The following PASK variants were observed in gnomAD, a reference collection of about 807,000 sequenced individuals.
PASK encodes the protein PAS domain-containing serine/threonine-protein kinase.
A neutral mutation model predicts 121.0 loss-of-function variants in PASK; 110 were observed. The ratio of observed to expected loss-of-function variants is 0.91; its 90% CI spans 0.78 to 1.06. The LOEUF is 1.06. PASK is among the 50% of genes least tolerant of loss of function. PASK has a pLI of 0.00. For missense variants in PASK, 1,643 were observed against 1,702.3 expected (o/e 0.97, Z 0.61); for synonymous variants, 686 against 717.8 (o/e 0.96, Z 0.71).
chr2:241,136,656 C>T (rs1027741378), intron 7 of PASK, among the ~76,000 whole-genome samples: 1 of 152,262 alleles, frequency 6.6e-6, no homozygotes, highest in African/African-American at 2.4e-5. Flanking sequence ...TTAAATTTAA[C>T]GTAACTACAA....
chr2:241,119,303 G>A (rs2065501536), intron 12 of PASK, among the ~76,000 whole-genome samples: 1 of 152,108 alleles, frequency 6.6e-6, no homozygotes, highest in Admixed American at 6.5e-5. Context: ...CCTGGGCTGC[G>A]TGCCCTGTGC....
Position 241,144,802 on chromosome 2 carries a change from C to A in PASK, c.-42-1728G>T, listed in dbSNP as rs552773067. On this transcript the variant is annotated intron_variant, in intron 1 of 17. Coordinates refer to ENST00000234040, the MANE Select transcript of PASK (RefSeq NM_015148.4). The stretch of plus-strand genomic sequence containing the variant: ...AACTCCAAGGAGTCCCCCCTCCTTG[C>A]CTTATCCTAGCATCTGGTGGCTACT... Among the ~76,000 whole-genome samples, 4 of 152,366 alleles carry A rather than the reference C, an allele frequency of 2.6e-5. No homozygotes were observed. The South Asian group carries it at 8.3e-4, about 32-fold the overall frequency.
At chr2:241,139,647 G>A (rs2066608242) in intron 4 of PASK, 8 of 697,842 alleles carry the variant, frequency 1.1e-5, no homozygotes. Flanking sequence ...CACCTCCCAG[G>A]AGTCCAGCCA....
At position 241,115,188 on chromosome 2, in the gene PASK, A is replaced by T. The variant is rs1044669551; in HGVS notation, c.3199-11T>A. The T allele has an allele frequency of 1.2e-6, 2 of 1,613,972 alleles. No homozygotes were observed. Among genetic ancestry groups the T allele is most frequent in the African/African-American group, 2.7e-5 (2 of 74,918 alleles). On this transcript the variant is annotated splice_polypyrimidine_tract_variant and intron_variant, in intron 13 of 17. Coordinates refer to ENST00000234040, the MANE Select transcript of PASK (RefSeq NM_015148.4). ...AAATATATCCAATACCTAGGAAGAG[A>T]CAAAGCCAAGTCCAACTCTACCAAA...
intron 15 of PASK, among the ~76,000 whole-genome samples, chr2:241,110,569 G>T (rs1024270786): frequency 3.9e-5 from 6 of 152,132 alleles, no homozygotes; most frequent in Non-Finnish European, 8.8e-5. Flanking sequence ...CAGGCGCTCA[G>T]GGAGAGGGTG....
chr2:241,119,721 T>G (rs1381760100), intron 12 of PASK, among the ~76,000 whole-genome samples: 1 of 152,128 alleles, frequency 6.6e-6, no homozygotes, highest in African/African-American at 2.4e-5. Context: ...CCACCTGCCT[T>G]GGCCTCCCAA....
At position 241,106,590 on chromosome 2, in the gene PASK, C is replaced by T. The variant is rs1207214288; in HGVS notation, c.3948G>A (p.Gly1316=). ...APNGQGCLHP[G]DPRLLTS is the part of the protein sequence containing the mutation. ...TTTAGCTGGTCAGCAGACGGGGATC[C>T]CCGGGATGCAAACAGCCTTGGCCAT... The change falls in exon 18 of 18, where the codon GGG becomes GGA. Residue 1316 remains glycine (G), a synonymous_variant. Coordinates refer to ENST00000234040, the MANE Select transcript of PASK (RefSeq NM_015148.4). 6.2e-7 allele frequency: 1 copy of T among 1,614,168 alleles called. No homozygotes were observed. Among genetic ancestry groups the T allele is most frequent in the Non-Finnish European group, 8.5e-7 (1 of 1,180,026 alleles).
intron 8 of PASK, among the ~76,000 whole-genome samples, chr2:241,135,466 C>T (rs2066367353): frequency 6.6e-6 from 1 of 152,134 alleles, no homozygotes; most frequent in South Asian, 2.1e-4. Context: ...TATAAGTGGA[C>T]CCTCTAATGT....
Position 241,142,858 on chromosome 2 carries a change from G to A in PASK, c.175C>T (p.Gln59Ter), listed in dbSNP as rs140584638. The A allele has an allele frequency of 6.2e-7, 1 of 1,613,500 alleles. No homozygotes were observed. Among genetic ancestry groups the A allele is most frequent in the Non-Finnish European group, 8.5e-7 (1 of 1,179,678 alleles). Residue 59 changes from glutamine (Q) to a stop codon, truncating the protein, a stop_gained, in exon 2 of 18, where the codon CAG becomes TAG. Coordinates refer to ENST00000234040, the MANE Select transcript of PASK (RefSeq NM_015148.4). LOFTEE classifies it high-confidence loss of function. ...TTACCAGAGAGCGCTGTCCTGCTCT[G>A]GCAGAGTCTGGAAAGCCCATTCCTT... is the stretch of plus-strand genomic sequence containing the variant. ...SRRNGLSRLC[Q>*]SRTALSEDRW...
chr2:241,132,726 G>A (rs2066222443), intron 9 of PASK, 148 bp downstream of exon 9: 1 of 720,204 alleles, frequency 1.4e-6, no homozygotes, highest in Non-Finnish European at 2.5e-6. Flanking sequence ...CAGTCAGTGT[G>A]TGTGGAAGAG....
At position 241,126,723 on chromosome 2, in the gene PASK, G is replaced by T; in HGVS notation, c.2192C>A (p.Ala731Asp). The T allele has an allele frequency of 6.2e-7, 1 of 1,614,162 alleles. No homozygotes were observed. Among genetic ancestry groups the T allele is most frequent in the Non-Finnish European group, 8.5e-7 (1 of 1,180,044 alleles). The change falls in exon 10 of 18, where the codon GCC becomes GAC. Residue 731 changes from alanine (A) to aspartate (D), a missense_variant. Ala to Asp is a moderately radical substitution (Grantham distance 126). Transcript: ENST00000234040. ...AAACGAATTCACATCAACCTCCTGGGCCTCCACTGCTTCCAGGCCCCCAGG... is the reference window on the plus strand; with the variant it reads ...AAACGAATTCACATCAACCTCCTGGTCCTCCACTGCTTCCAGGCCCCCAGG... ...DLPGGLEAVE[A>D]QEVDVNSFSW...
At chr2:241,123,297 T>A (rs2125421694) in intron 11 of PASK, among the ~76,000 whole-genome samples, 1 of 150,276 alleles carries the variant, frequency 6.7e-6, no homozygotes, top group Non-Finnish European at 1.5e-5. Context: ...TGCCTCAGCC[T>A]CCCGAGTAGC....
chr2:241,127,610 C>G, intron 9 of PASK, 159 bp from the exon 10 acceptor site: 1 of 679,268 alleles, frequency 1.5e-6, no homozygotes. Flanking sequence ...AAAAATAAAG[C>G]ACTTAGTCTC....
intron 14 of PASK, chr2:241,113,930 G>A (rs2065219576): frequency 2.0e-6 from 2 of 982,466 alleles, no homozygotes; most frequent in Non-Finnish European, 2.4e-6. Context: ...TTGTGCATCT[G>A]TATTTACATA....
In PASK at chr2:241,120,808, GAAGT is replaced by G. The variant is rs372114318; in HGVS notation, c.3072+1920_3072+1923del. 3.8e-4 allele frequency among the ~76,000 whole-genome samples: 58 copies of G among 152,328 alleles called. No homozygotes were observed. In the East Asian group the frequency reaches 0.01, roughly 26 times the overall value. Reference sequence around the variant, plus strand: ...GACACAGAGTTACGACATGACCCATGAAGTGCACTACTAGGTATATGCCTAGAAC... The same window carrying G: ...GACACAGAGTTACGACATGACCCATGGCACTACTAGGTATATGCCTAGAAC... On this transcript the variant is annotated intron_variant, in intron 12 of 17. Transcript: ENST00000234040.
chr2:241,111,690 C>G (rs1314763937), intron 15 of PASK, among the ~76,000 whole-genome samples: 1 of 152,066 alleles, frequency 6.6e-6, no homozygotes, highest in Non-Finnish European at 1.5e-5. Context: ...AACTCAGCCA[C>G]ACACCCAAGG....
chr2:241,107,583 C>A (rs1229786387), intron 16 of PASK, 84 bp from the exon 17 acceptor site: 19 of 1,345,294 alleles, frequency 1.4e-5, no homozygotes, highest in Admixed American at 1.2e-4. Context: ...TCACCACCCC[C>A]CCGCAGAGCC....
chr2:241,121,195 G>T (rs2065591904), intron 12 of PASK, among the ~76,000 whole-genome samples: 1 of 152,192 alleles, frequency 6.6e-6, no homozygotes, highest in Non-Finnish European at 1.5e-5. Flanking sequence ...CAGGACGGGG[G>T]TTATGCGACT....
At position 241,126,798 on chromosome 2, in the gene PASK, CCGCACA is replaced by C; in HGVS notation, c.2111_2116del (p.Leu704_Gly706delinsArg). On this transcript the variant is annotated inframe_deletion, in exon 10 of 18. Transcript: ENST00000234040. ...GGCTGAGGAGCTGCCCGTGCAGCCA[CCGCACA>C]GGTCTCTGCCTCCCAGATCGCAGGA... 1 of 1,613,972 alleles carries C rather than the reference CCGCACA, an allele frequency of 6.2e-7. No individual in the cohort carries two copies. The highest frequency in any genetic ancestry group is 8.5e-7 in the Non-Finnish European group (1 of 1,179,956).
Sources: gnomAD v4.1 joint callset for allele counts (sites outside exome capture counted in the v4.1 genomes callset) on GRCh38, gnomAD v4.1.1 for gene constraint, MANE v1.5 for transcripts, NCBI Gene and HGNC (gene_info 2026-07-23, HGNC 2026-07-21) for gene names.